The following SORCS2 variants were observed in gnomAD, a reference collection of about 807,000 sequenced individuals.
The protein encoded by SORCS2 is sortilin related VPS10 domain containing receptor 2.
Under a neutral mutation model 141.6 loss-of-function variants are expected in SORCS2, and 100 were observed. That is an observed-to-expected ratio of 0.71 (90% confidence interval 0.60 to 0.83). The LOEUF (loss-of-function observed/expected upper bound fraction) is 0.83. Ranked by LOEUF, SORCS2 falls within the 40% of genes least tolerant of loss-of-function variation. The pLI is 0.00. For missense variants in SORCS2, 1,646 were observed against 1,560.2 expected (o/e 1.05, Z -0.93); for synonymous variants, 789 against 676.9 (o/e 1.17, Z -2.57).
At chr4:7,613,740 T>G (rs2108813933) in intron 3 of SORCS2, among the ~76,000 whole-genome samples, 1 of 152,244 alleles carries the variant, frequency 6.6e-6, no homozygotes, top group African/African-American at 2.4e-5. Context: ...ATGGCCAGCC[T>G]AAGCCCTACC....
intron 2 of SORCS2, among the ~76,000 whole-genome samples, chr4:7,478,789 G>T (rs926265143): frequency 5.3e-5 from 8 of 152,216 alleles, no homozygotes; most frequent in African/African-American, 1.9e-4. Context: ...AGGGGACAGA[G>T]TGGGCACATG....
intron 12 of SORCS2, among the ~76,000 whole-genome samples, chr4:7,701,090 A>C (rs1398735160): frequency 6.6e-6 from 1 of 152,048 alleles, no homozygotes; most frequent in Admixed American, 6.5e-5. Context: ...CCCACCAGGG[A>C]GGGGCTTAAT....
intron 1 of SORCS2, among the ~76,000 whole-genome samples, chr4:7,384,546 G>A (rs1258098357): frequency 6.6e-6 from 1 of 152,182 alleles, no homozygotes. Context: ...ACCGCGCTGG[G>A]TAACAGGTGT....
intron 19 of SORCS2, among the ~76,000 whole-genome samples, chr4:7,724,126 G>GGTGGTGGTGGTGGTGGTGATA (rs1726808629): frequency 7.2e-6 from 1 of 139,002 alleles, no homozygotes; most frequent in Non-Finnish European, 1.5e-5. Flanking sequence ...TGGTGGTGGT[G>GGTGGTGGTGGTGGTGGTGATA]GTGGTGGTGG....
At position 7,309,172 on chromosome 4, in the gene SORCS2, C is replaced by T. The variant is rs565432056; in HGVS notation, c.481-87116C>T. On this transcript the variant is annotated intron_variant, in intron 1 of 26. Transcript: ENST00000507866. ...GGCGCACGCTGGCACTTCTGTGGCA[C>T]CTCCCGTGCTGCAGGTGTTTTCTCT... Among the ~76,000 whole-genome samples, 7 of 152,276 alleles carry T rather than the reference C, an allele frequency of 4.6e-5. No individual in the cohort carries two copies. The East Asian group carries it at 1.2e-3, about 25-fold the overall frequency.
At chr4:7,550,670 A>T (rs976286638) in intron 3 of SORCS2, among the ~76,000 whole-genome samples, 5 of 152,212 alleles carry the variant, frequency 3.3e-5, no homozygotes, top group Non-Finnish European at 7.3e-5. Flanking sequence ...CTAGTAGATC[A>T]TGGACTTGTC....
intron 2 of SORCS2, among the ~76,000 whole-genome samples, chr4:7,483,100 C>T: frequency 6.6e-6 from 1 of 151,990 alleles, no homozygotes; most frequent in East Asian, 1.9e-4. Flanking sequence ...ACGGGGGGAT[C>T]ATGAGGTCAG....
At position 7,663,166 on chromosome 4, in the gene SORCS2, ATGAG is replaced by A. The variant is rs368329276; in HGVS notation, c.953-1183_953-1180del. ...AGTAATTGAAAGAGTGAGTGAGTGAATGAGTGATGAGTGAATGAGTGAGTGAGTG... is the reference window on the plus strand; with the variant it reads ...AGTAATTGAAAGAGTGAGTGAGTGAATGATGAGTGAATGAGTGAGTGAGTG... On this transcript the variant is annotated intron_variant, in intron 6 of 26. Coordinates refer to ENST00000507866, the MANE Select transcript of SORCS2 (RefSeq NM_020777.3). The surrounding 1 kb of genome is among the most constrained non-coding windows in gnomAD (Gnocchi z 4.8). 6.1e-4 allele frequency among the ~76,000 whole-genome samples: 92 copies of A among 150,564 alleles called. No homozygotes were observed. The highest frequency in any genetic ancestry group is 1.8e-3 in the African/African-American group (75 of 40,690).
chr4:7,402,642 T>C (rs1240812010), intron 2 of SORCS2, among the ~76,000 whole-genome samples: 1 of 152,162 alleles, frequency 6.6e-6, no homozygotes, highest in African/African-American at 2.4e-5. Flanking sequence ...GATGCTTGGA[T>C]AGGGTGGAAG....
At chr4:7,368,041 A>T (rs1214839171) in intron 1 of SORCS2, among the ~76,000 whole-genome samples, 2 of 152,172 alleles carry the variant, frequency 1.3e-5, no homozygotes, top group African/African-American at 4.8e-5. Context: ...CACTGTTTAA[A>T]TACCATAAGC....
At chr4:7,235,407 G>T (rs1028113517) in intron 1 of SORCS2, among the ~76,000 whole-genome samples, 55 of 152,354 alleles carry the variant, frequency 3.6e-4, no homozygotes, top group Non-Finnish European at 2.2e-4. Flanking sequence ...AGAAATGGAG[G>T]CTCAGAGAGG....
intron 2 of SORCS2, among the ~76,000 whole-genome samples, chr4:7,460,612 G>T (rs1339453695): frequency 6.6e-6 from 1 of 152,240 alleles, no homozygotes; most frequent in African/African-American, 2.4e-5. Context: ...ACAGCTGCAG[G>T]CATGTCGGAA....
intron 1 of SORCS2, among the ~76,000 whole-genome samples, chr4:7,221,262 G>T (rs1272271668): frequency 1.3e-5 from 2 of 152,194 alleles, no homozygotes; most frequent in African/African-American, 4.8e-5. Flanking sequence ...AATCTCCTGA[G>T]GACTTGTTGT....
chr4:7,682,212 G>A (rs1723564376), intron 9 of SORCS2, among the ~76,000 whole-genome samples: 1 of 152,200 alleles, frequency 6.6e-6, no homozygotes, highest in African/African-American at 2.4e-5. Context: ...GTGGAGCCCT[G>A]TCCCGGGTGT....
intron 3 of SORCS2, among the ~76,000 whole-genome samples, chr4:7,569,566 G>A (rs954101814): frequency 6.6e-6 from 1 of 152,184 alleles, no homozygotes; most frequent in Non-Finnish European, 1.5e-5. Flanking sequence ...TGCTGTGTGT[G>A]TACAATATGC....
At chr4:7,514,002 C>G (rs761359262) in intron 2 of SORCS2, among the ~76,000 whole-genome samples, 55 of 152,224 alleles carry the variant, frequency 3.6e-4, no homozygotes, top group South Asian at 2.1e-4. Flanking sequence ...CATTTGTTGC[C>G]TTTATGGAGC....
intron 4 of SORCS2, among the ~76,000 whole-genome samples, chr4:7,647,137 A>T (rs1721134435): frequency 6.6e-6 from 1 of 152,190 alleles, no homozygotes; most frequent in African/African-American, 2.4e-5. Flanking sequence ...CAGCTTGCGC[A>T]AAGGCCTGGA....
intron 20 of SORCS2, among the ~76,000 whole-genome samples, chr4:7,725,506 C>A (rs1010365915): frequency 2.0e-5 from 3 of 152,328 alleles, no homozygotes; most frequent in Non-Finnish European, 4.4e-5. Context: ...TCAGACTAGA[C>A]CCTGCCTTTT....
chr4:7,416,786 G>A (rs971600204), intron 2 of SORCS2, among the ~76,000 whole-genome samples: 2 of 118,728 alleles, frequency 1.7e-5, no homozygotes, highest in East Asian at 2.6e-4. Context: ...GTACACACAC[G>A]CTTGTGCACA....
Sources: allele counts gnomAD v4.1 joint callset (sites outside exome capture counted in the v4.1 genomes callset), GRCh38; gene constraint gnomAD v4.1.1; non-coding constraint Gnocchi (gnomAD v3.1); transcripts MANE v1.5; gene names NCBI Gene and HGNC (gene_info 2026-07-23, HGNC 2026-07-21).